The following UQCC1 variants were observed in gnomAD, a reference collection of about 807,000 sequenced individuals.
UQCC1 encodes the protein bFGF-repressed Zic-binding protein.
A neutral mutation model predicts 48.0 loss-of-function variants in UQCC1; 38 were observed. That is an observed-to-expected ratio of 0.79 (90% CI 0.61 to 1.04). The LOEUF is 1.04. Among genes scored for constraint, UQCC1 ranks in the 50% least tolerant of loss-of-function variants. The probability of loss-of-function intolerance (pLI) is 0.00; values close to 1 mark genes in which losing one functional copy is unlikely to be tolerated. For synonymous variants in UQCC1, 111 were observed against 129.2 expected, an observed-to-expected ratio of 0.86 and a Z score of 0.95; for missense variants, 368 against 381.8, an observed-to-expected ratio of 0.96 and a Z score of 0.30.
intron 6 of UQCC1, among the ~76,000 whole-genome samples, chr20:35,347,503 C>G (rs2061444449): frequency 6.6e-6 from 1 of 152,080 alleles, no homozygotes; most frequent in African/African-American, 2.4e-5. Flanking sequence ...TACACCCACA[C>G]AAGCACCACC....
intron 2 of UQCC1, among the ~76,000 whole-genome samples, chr20:35,387,233 C>T (rs2061955831): frequency 6.6e-6 from 1 of 152,024 alleles, no homozygotes; most frequent in Non-Finnish European, 1.5e-5. Flanking sequence ...TTACAGTGAG[C>T]CAAGATCATG....
chr20:35,367,257 T>G (rs2061680562), intron 5 of UQCC1, among the ~76,000 whole-genome samples: 1 of 152,088 alleles, frequency 6.6e-6, no homozygotes, highest in African/African-American at 2.4e-5. Flanking sequence ...CCTAGATGAT[T>G]TCTATGGTTC....
At chr20:35,340,411 C>T (rs1217478112) in intron 7 of UQCC1, among the ~76,000 whole-genome samples, 1 of 152,230 alleles carries the variant, frequency 6.6e-6, no homozygotes, top group African/African-American at 2.4e-5. Flanking sequence ...ACAGCTCAGG[C>T]CATTTTAGAA....
intron 6 of UQCC1, among the ~76,000 whole-genome samples, chr20:35,362,721 T>C (rs1025899897): frequency 1.3e-5 from 2 of 151,814 alleles, no homozygotes; most frequent in African/African-American, 2.4e-5. Context: ...TGTGTGTGCG[T>C]GTGTGTGTGT....
chr20:35,409,556 G>T (rs756716297), intron 1 of UQCC1: 1 of 165,088 alleles, frequency 6.1e-6, no homozygotes, highest in Non-Finnish European at 1.4e-5. Context: ...GTACAGGGTG[G>T]CTTTCTGCAA....
In UQCC1 at chr20:35,381,725, C is replaced by G. The variant is rs896291242; in HGVS notation, c.333+193G>C. On this transcript the variant is annotated intron_variant, in intron 4 of 9. Transcript: ENST00000374385. ...AGAGTGGTCAAGGAGGAAGGGGACACCCGCCTACCCAGCCAGATCAGCCGA... is the reference window on the plus strand; with the variant it reads ...AGAGTGGTCAAGGAGGAAGGGGACAGCCGCCTACCCAGCCAGATCAGCCGA... Among the ~76,000 whole-genome samples the G allele has an allele frequency of 2.6e-5, 4 of 152,148 alleles. No homozygotes were observed. The East Asian group carries it at 7.7e-4, about 29-fold the overall frequency.
chr20:35,388,993 G>A (rs2061981492), intron 2 of UQCC1, among the ~76,000 whole-genome samples: 1 of 152,090 alleles, frequency 6.6e-6, no homozygotes, highest in Non-Finnish European at 1.5e-5. Flanking sequence ...TTGAACCTGG[G>A]AGGTGGAGGT....
At chr20:35,315,057 T>C (rs2061041969) in intron 7 of UQCC1, 1 of 227,968 alleles carries the variant, frequency 4.4e-6, no homozygotes, top group Non-Finnish European at 9.0e-6. Context: ...AAACAGTTTC[T>C]TGATTGGAGG....
chr20:35,331,985 A>T (rs1179927991), intron 7 of UQCC1, among the ~76,000 whole-genome samples: 1 of 152,244 alleles, frequency 6.6e-6, no homozygotes, highest in Non-Finnish European at 1.5e-5. Flanking sequence ...GATGGAATGG[A>T]GACAATGAGA....
intron 7 of UQCC1, among the ~76,000 whole-genome samples, chr20:35,325,301 T>G (rs1197917021): frequency 6.6e-6 from 1 of 152,252 alleles, no homozygotes; most frequent in Non-Finnish European, 1.5e-5. Context: ...ATGTACTTAA[T>G]GCCACTGAAT....
chr20:35,388,937 C>T (rs984464551), intron 2 of UQCC1, among the ~76,000 whole-genome samples: 10 of 151,676 alleles, frequency 6.6e-5, no homozygotes, highest in Admixed American at 3.3e-4. Flanking sequence ...GTGGTGTGTG[C>T]GCCTGTAGTC....
At chr20:35,348,607 G>C (rs1189975132) in intron 6 of UQCC1, among the ~76,000 whole-genome samples, 1 of 151,754 alleles carries the variant, frequency 6.6e-6, no homozygotes, top group Admixed American at 6.6e-5. Flanking sequence ...AGCCAGGATG[G>C]TCTCAATCTC....
chr20:35,382,058 G>T, intron 3 of UQCC1, 33 bp from the exon 4 acceptor site: 1 of 1,447,530 alleles, frequency 6.9e-7, no homozygotes, highest in Non-Finnish European at 9.5e-7. Flanking sequence ...ACTAAAATTA[G>T]TTGCAAAAAA....
intron 7 of UQCC1, among the ~76,000 whole-genome samples, chr20:35,330,788 T>A (rs2061248049): frequency 6.6e-6 from 1 of 152,134 alleles, no homozygotes; most frequent in South Asian, 2.1e-4. Context: ...GGAAAATTTT[T>A]ATCTCATGGA....
intron 7 of UQCC1, chr20:35,346,748 C>A: frequency 2.8e-6 from 1 of 361,828 alleles, no homozygotes; most frequent in Non-Finnish European, 5.0e-6. Flanking sequence ...GTTTCAGTTC[C>A]TGAAGACAGT....
intron 1 of UQCC1, among the ~76,000 whole-genome samples, chr20:35,401,811 G>A (rs539564315): frequency 7.9e-5 from 12 of 151,904 alleles, no homozygotes; most frequent in South Asian, 2.1e-4. Flanking sequence ...ACAGGTATGC[G>A]CCACCACGCC....
At chr20:35,378,448 G>T (rs2061828261) in intron 4 of UQCC1, among the ~76,000 whole-genome samples, 1 of 152,074 alleles carries the variant, frequency 6.6e-6, no homozygotes, top group Non-Finnish European at 1.5e-5. Context: ...TGGCCAGTAT[G>T]ATGAAACCTC....
chr20:35,376,538 C>T, intron 4 of UQCC1, among the ~76,000 whole-genome samples: 1 of 152,200 alleles, frequency 6.6e-6, no homozygotes, highest in South Asian at 2.1e-4. Context: ...ACTATTAAAG[C>T]TCACTAAAAT....
chr20:35,312,733 T>C (rs2061008124), intron 8 of UQCC1, among the ~76,000 whole-genome samples: 2 of 152,104 alleles, frequency 1.3e-5, no homozygotes, highest in East Asian at 3.9e-4. Flanking sequence ...ACAATAAATG[T>C]TGGGGAGAAA....
Sources: gnomAD v4.1 joint callset for allele counts (sites outside exome capture counted in the v4.1 genomes callset) on GRCh38, gnomAD v4.1.1 for gene constraint, MANE v1.5 for transcripts, NCBI Gene and HGNC (gene_info 2026-07-23, HGNC 2026-07-21) for gene names.